The following MAGI3 variants were observed in gnomAD, a reference collection of about 807,000 sequenced individuals.
The protein encoded by MAGI3 is membrane associated guanylate kinase, WW and PDZ domain containing 3.
A neutral mutation model predicts 121.8 loss-of-function variants in MAGI3; 43 were observed. That is an observed-to-expected ratio of 0.35 (90% confidence interval 0.28 to 0.46). The LOEUF is 0.46. MAGI3 is among the 20% of genes least tolerant of loss of function. MAGI3 has a pLI of 1.00. For synonymous variants in MAGI3, 553 were observed against 639.3 expected (o/e 0.86, Z 2.04); for missense variants, 1,547 against 1,797.3 (o/e 0.86, Z 2.52).
At chr1:113,447,496 A>T (rs369043543) in intron 1 of MAGI3, among the ~76,000 whole-genome samples, 2 of 152,222 alleles carry the variant, frequency 1.3e-5, no homozygotes, top group South Asian at 4.1e-4. Flanking sequence ...TTAAACTTCA[A>T]CGTAACTTTG....
intron 5 of MAGI3, among the ~76,000 whole-genome samples, chr1:113,594,064 AC>A (rs1271381682): frequency 6.6e-6 from 1 of 152,228 alleles, no homozygotes; most frequent in East Asian, 1.9e-4. Context: ...TATCACAGGC[AC>A]ACAAGAAATA....
At chr1:113,529,680 A>T (rs1276078450) in intron 1 of MAGI3, among the ~76,000 whole-genome samples, 1 of 152,174 alleles carries the variant, frequency 6.6e-6, no homozygotes. Flanking sequence ...AGTATATTTG[A>T]TGCCTAAAGC....
chr1:113,597,187 A>G (rs1025628462), intron 6 of MAGI3, among the ~76,000 whole-genome samples: 7 of 152,188 alleles, frequency 4.6e-5, no homozygotes, highest in Non-Finnish European at 8.8e-5. Context: ...AATCTCAAAA[A>G]CATGCTAAGT....
intron 1 of MAGI3, among the ~76,000 whole-genome samples, chr1:113,392,584 A>G (rs1650884667): frequency 6.6e-6 from 1 of 152,180 alleles, no homozygotes; most frequent in Non-Finnish European, 1.5e-5. Context: ...GTGGATATGT[A>G]TACACACAGA....
chr1:113,458,234 A>G (rs75105928), intron 1 of MAGI3, among the ~76,000 whole-genome samples: 3,546 of 152,280 alleles, frequency 0.023, 134 homozygotes, highest in African/African-American at 0.081. Context: ...GGTGGGTGCA[A>G]TGGAGATTCA....
At chr1:113,516,313 A>G (rs1557798663) in intron 1 of MAGI3, among the ~76,000 whole-genome samples, 1 of 144,024 alleles carries the variant, frequency 6.9e-6, no homozygotes, top group East Asian at 2.4e-4. Flanking sequence ...GAAATGGCAG[A>G]TTCTAGGACT....
intron 9 of MAGI3, among the ~76,000 whole-genome samples, chr1:113,623,453 T>TACACACACACAC (rs796174057): frequency 0.082 from 10,381 of 125,932 alleles, 566 homozygotes; most frequent in African/African-American, 0.11. Context: ...TACACACACA[T>TACACACACACAC]ACACACACAC....
At chr1:113,403,556 G>A (rs1214905504) in intron 1 of MAGI3, 1 of 152,016 alleles carries the variant, frequency 6.6e-6, no homozygotes, top group Non-Finnish European at 1.5e-5. Context: ...TTAATAATTG[G>A]CCTTGCAAGA....
intron 1 of MAGI3, among the ~76,000 whole-genome samples, chr1:113,441,734 A>G (rs1362697588): frequency 6.6e-5 from 10 of 152,344 alleles, no homozygotes; most frequent in East Asian, 5.8e-4. Flanking sequence ...AGCTAAGGAC[A>G]TGGATAATTA....
At chr1:113,497,244 A>G (rs1290370515) in intron 1 of MAGI3, among the ~76,000 whole-genome samples, 2 of 105,204 alleles carry the variant, frequency 1.9e-5, no homozygotes, top group African/African-American at 3.1e-5. Flanking sequence ...TCCGGTCTAC[A>G]GCTCCCAGCG....
chr1:113,397,701 A>C (rs1388350074), intron 1 of MAGI3, among the ~76,000 whole-genome samples: 1 of 152,176 alleles, frequency 6.6e-6, no homozygotes, highest in African/African-American at 2.4e-5. Context: ...GTCTCCTGTA[A>C]GTTTTTTTTA....
At chr1:113,573,594 T>C (rs1017583369) in intron 2 of MAGI3, among the ~76,000 whole-genome samples, 4 of 152,230 alleles carry the variant, frequency 2.6e-5, no homozygotes, top group African/African-American at 9.6e-5. Context: ...TTGCATTTGC[T>C]GAGGAGTGTT....
intron 1 of MAGI3, among the ~76,000 whole-genome samples, chr1:113,473,149 T>C (rs1655626243): frequency 6.6e-6 from 1 of 152,192 alleles, no homozygotes; most frequent in African/African-American, 2.4e-5. Flanking sequence ...ACAAACTCCC[T>C]CAGCTTTTGT....
At chr1:113,515,418 A>G (rs1462749050) in intron 1 of MAGI3, among the ~76,000 whole-genome samples, 1 of 152,188 alleles carries the variant, frequency 6.6e-6, no homozygotes, top group East Asian at 1.9e-4. Context: ...AAATTAGTCA[A>G]GAACTTCATT....
intron 2 of MAGI3, among the ~76,000 whole-genome samples, chr1:113,558,278 G>A (rs1660081403): frequency 1.3e-5 from 2 of 152,168 alleles, no homozygotes; most frequent in African/African-American, 4.8e-5. Flanking sequence ...AGCTAAAGGA[G>A]CACATTGTAA....
At chr1:113,661,721 G>A (rs1653793089) in intron 16 of MAGI3, among the ~76,000 whole-genome samples, 1 of 151,790 alleles carries the variant, frequency 6.6e-6, no homozygotes, top group Non-Finnish European at 1.5e-5. Context: ...GTCAGTTTGT[G>A]TGCAGAGAAA....
intron 1 of MAGI3, among the ~76,000 whole-genome samples, chr1:113,534,786 T>A (rs1658889069): frequency 6.6e-6 from 1 of 152,216 alleles, no homozygotes; most frequent in Non-Finnish European, 1.5e-5. Flanking sequence ...AAAGTAATGA[T>A]CACCTCTATC....
intron 16 of MAGI3, among the ~76,000 whole-genome samples, chr1:113,670,169 C>T (rs1378639468): frequency 6.6e-6 from 1 of 152,130 alleles, no homozygotes; most frequent in African/African-American, 2.4e-5. Context: ...ATGTTCACAC[C>T]CAAGCCCAGC....
At chr1:113,395,560 TA>T (rs1462618147) in intron 1 of MAGI3, among the ~76,000 whole-genome samples, 3 of 151,870 alleles carry the variant, frequency 2.0e-5, no homozygotes. Context: ...TCTTTGTACT[TA>T]AAAAATATTT....
Sources: gnomAD v4.1 joint callset for allele counts (sites outside exome capture counted in the v4.1 genomes callset) on GRCh38, gnomAD v4.1.1 for gene constraint, MANE v1.5 for transcripts, NCBI Gene and HGNC (gene_info 2026-07-23, HGNC 2026-07-21) for gene names.